IMMP2L: variants seen among roughly 807,000 people sequenced by gnomAD.
IMMP2L encodes mitochondrial inner membrane protease subunit 2.
A neutral mutation model predicts 19.3 loss-of-function variants in IMMP2L; 18 were observed. The observed-to-expected ratio is 0.93, with a 90% CI of 0.64 to 1.38. IMMP2L has a LOEUF of 1.38. Among genes scored for constraint, IMMP2L ranks in the 40% most tolerant of loss-of-function variants. IMMP2L has a pLI of 0.00. For missense variants in IMMP2L, 233 were observed against 218.2 expected (o/e 1.07, Z -0.43); for synonymous variants, 76 against 73.0 (o/e 1.04, Z -0.21).
At chr7:111,434,313 A>C (rs1836916486) in intron 3 of IMMP2L, among the ~76,000 whole-genome samples, 1 of 151,780 alleles carries the variant, frequency 6.6e-6, no homozygotes, top group Non-Finnish European at 1.5e-5. Flanking sequence ...TTAGGCAATG[A>C]TTTTATGACC....
intron 4 of IMMP2L, among the ~76,000 whole-genome samples, chr7:110,960,324 A>G (rs1331315424): frequency 6.6e-6 from 1 of 151,920 alleles, no homozygotes; most frequent in Admixed American, 6.6e-5. Flanking sequence ...TACTCCCCCA[A>G]CACAACAAAA....
At chr7:111,062,312 A>G (rs892102938) in intron 3 of IMMP2L, among the ~76,000 whole-genome samples, 4 of 152,160 alleles carry the variant, frequency 2.6e-5, no homozygotes, top group African/African-American at 4.8e-5. Context: ...ATCAGATTTC[A>G]TGAGTCTCAT....
At chr7:111,302,865 G>A (rs577989849) in intron 3 of IMMP2L, among the ~76,000 whole-genome samples, 8 of 152,176 alleles carry the variant, frequency 5.3e-5, no homozygotes, top group South Asian at 4.2e-4. Context: ...AATATGACTC[G>A]TTTGTGAGAT....
chr7:111,527,395 T>C (rs1846973309), intron 1 of IMMP2L, among the ~76,000 whole-genome samples: 1 of 132,054 alleles, frequency 7.6e-6, no homozygotes, highest in African/African-American at 2.7e-5. Flanking sequence ...ACAGCCTAGG[T>C]GACCAAACAA....
chr7:111,541,882 T>G (rs1210340771), intron 1 of IMMP2L, among the ~76,000 whole-genome samples: 1 of 152,010 alleles, frequency 6.6e-6, no homozygotes, highest in East Asian at 1.9e-4. Flanking sequence ...ATCCAAGTAA[T>G]TAAAAAGAAA....
At chr7:110,965,209 CATTT>C (rs760858152) in intron 3 of IMMP2L, among the ~76,000 whole-genome samples, 3 of 151,928 alleles carry the variant, frequency 2.0e-5, no homozygotes, top group Non-Finnish European at 4.4e-5. Flanking sequence ...CACAAATGAT[CATTT>C]AATATGTATT....
intron 5 of IMMP2L, among the ~76,000 whole-genome samples, chr7:110,734,906 GTTAA>G (rs1258189430): frequency 6.6e-6 from 1 of 152,198 alleles, no homozygotes; most frequent in East Asian, 1.9e-4. Flanking sequence ...TCTCTTGTCA[GTTAA>G]GTAGAGTGTT....
intron 3 of IMMP2L, among the ~76,000 whole-genome samples, chr7:111,317,566 AG>A (rs1824242232): frequency 6.6e-6 from 1 of 152,166 alleles, no homozygotes; most frequent in Non-Finnish European, 1.5e-5. Flanking sequence ...AAATACTCAA[AG>A]GTCTAAAAAT....
intron 5 of IMMP2L, among the ~76,000 whole-genome samples, chr7:110,714,784 A>G (rs1275326064): frequency 2.0e-5 from 3 of 152,050 alleles, no homozygotes; most frequent in Non-Finnish European, 1.5e-5. Flanking sequence ...TTTAGTAGGG[A>G]CAGGGTTTTG....
intron 5 of IMMP2L, among the ~76,000 whole-genome samples, chr7:110,864,315 G>C (rs1462608777): frequency 6.6e-6 from 1 of 151,982 alleles, no homozygotes; most frequent in African/African-American, 2.4e-5. Context: ...GGTTCAATGA[G>C]ATGACATATC....
chr7:111,303,246 T>C (rs1052233814), intron 3 of IMMP2L, among the ~76,000 whole-genome samples: 9 of 152,124 alleles, frequency 5.9e-5, no homozygotes, highest in Admixed American at 2.0e-4. Context: ...GCATGTATTC[T>C]TTACAGATCA....
intron 3 of IMMP2L, among the ~76,000 whole-genome samples, chr7:111,299,868 C>T (rs1410373139): frequency 6.6e-6 from 1 of 151,836 alleles, no homozygotes; most frequent in African/African-American, 2.4e-5. Context: ...GGACTAACGG[C>T]AATATACAAG....
chr7:110,745,625 A>C lies in IMMP2L; in HGVS notation c.409-81904T>G, dbSNP rs1359927134. Reference sequence around the variant, plus strand: ...CATTCTTAAAGAAAAGAATTTTCAAACCAGAATTTCATATCCAGCCAAACT... The same window carrying C: ...CATTCTTAAAGAAAAGAATTTTCAACCCAGAATTTCATATCCAGCCAAACT... On this transcript the variant is annotated intron_variant, in intron 5 of 5. Coordinates refer to ENST00000405709, the MANE Select transcript of IMMP2L (RefSeq NM_032549.4). 3.4e-4 allele frequency among the ~76,000 whole-genome samples: 51 copies of C among 152,196 alleles called. 1 individual carries two copies. Among genetic ancestry groups the C allele is most frequent in the Middle Eastern group, 3.4e-3 (1 of 294 alleles).
In IMMP2L at chr7:110,924,859, C is replaced by T. The variant is rs183428418; in HGVS notation, c.306-38164G>A. Among the ~76,000 whole-genome samples, 382 of 152,260 alleles carry T rather than the reference C, an allele frequency of 2.5e-3. No individual in the cohort carries two copies. Among genetic ancestry groups the T allele is most frequent in the Non-Finnish European group, 4.0e-3 (271 of 68,026 alleles). ...GTTCTGGTTCATGCCTCTGCCACTA[C>T]ACTGCCTTAGAGCCTTATATTTCAA... On this transcript the variant is annotated intron_variant, in intron 4 of 5. Coordinates refer to ENST00000405709, the MANE Select transcript of IMMP2L (RefSeq NM_032549.4). The surrounding 1 kb of genome is among the most constrained non-coding windows in gnomAD (Gnocchi z 4.2).
intron 3 of IMMP2L, among the ~76,000 whole-genome samples, chr7:111,287,621 T>C (rs929060085): frequency 2.0e-5 from 3 of 152,056 alleles, no homozygotes; most frequent in Non-Finnish European, 4.4e-5. Context: ...AGTATGAAAA[T>C]GGCTACGTCG....
chr7:111,288,387 C>A (rs1323102763), intron 3 of IMMP2L, among the ~76,000 whole-genome samples: 1 of 152,118 alleles, frequency 6.6e-6, no homozygotes, highest in African/African-American at 2.4e-5. Context: ...GAAAAGACTT[C>A]ATGACTAAAA....
chr7:110,717,203 G>T (rs368336510), intron 5 of IMMP2L, among the ~76,000 whole-genome samples: 1 of 152,196 alleles, frequency 6.6e-6, no homozygotes, highest in Non-Finnish European at 1.5e-5. Context: ...CAAGCCGGGC[G>T]TGGTGGCACA....
intron 3 of IMMP2L, among the ~76,000 whole-genome samples, chr7:110,988,962 T>A (rs897023138): frequency 6.6e-5 from 10 of 152,038 alleles, no homozygotes; most frequent in Non-Finnish European, 8.8e-5. Context: ...TTTTGCCAGG[T>A]GCGGTGGCTC....
intron 3 of IMMP2L, among the ~76,000 whole-genome samples, chr7:111,389,181 T>C (rs1832088952): frequency 6.6e-6 from 1 of 152,040 alleles, no homozygotes; most frequent in Admixed American, 6.6e-5. Flanking sequence ...AACTTATTCA[T>C]AAGGAAACAT....
Sources: allele counts gnomAD v4.1 joint callset (sites outside exome capture counted in the v4.1 genomes callset), GRCh38; gene constraint gnomAD v4.1.1; non-coding constraint Gnocchi (gnomAD v3.1); transcripts MANE v1.5; gene names NCBI Gene and HGNC (gene_info 2026-07-23, HGNC 2026-07-21).